Variants in MOCS2 observed in about 807,000 individuals in gnomAD.
MOCS2 encodes molybdenum cofactor synthesis 2, also known as molybdopterin synthase catalytic subunit.
Under a neutral mutation model 21.9 loss-of-function variants are expected in MOCS2, and 13 were observed. The observed-to-expected ratio is 0.59, with a 90% CI of 0.39 to 0.94. The LOEUF (loss-of-function observed/expected upper bound fraction) is 0.94. Among genes scored for constraint, MOCS2 ranks in the 40% least tolerant of loss-of-function variants. The pLI is 0.00. For missense variants in MOCS2, 227 were observed against 218.3 expected (o/e 1.04, Z -0.25); for synonymous variants, 92 against 80.8 (o/e 1.14, Z -0.74).
intron 2 of MOCS2, chr5:53,107,553 T>G: frequency 1.8e-5 from 5 of 283,346 alleles, no homozygotes; most frequent in South Asian, 4.4e-5. Context: ...TACATGGCCT[T>G]TCCAGGGTCC....
At chr5:53,108,727 T>C (rs1274075821) in intron 1 of MOCS2, 84 bp from the exon 2 acceptor site, 4 of 1,396,040 alleles carry the variant, frequency 2.9e-6, no homozygotes, top group African/African-American at 1.5e-5. Flanking sequence ...ATTTTCCAAA[T>C]GTATTGCTTT....
rs1741145842 is a variant in MOCS2 at position 53,109,510 on chromosome 5, TG to T, written c.-430del. On this transcript the variant is annotated 5_prime_UTR_variant, in exon 1 of 7. Coordinates refer to ENST00000396954, the MANE Select transcript of MOCS2 (RefSeq NM_004531.5). ...TTCTCGGAGAGGACCCGACTTCTGC[TG>T]GGGCAGTCGCAGTAAAGCCCGGAGA... The T allele has an allele frequency of 7.4e-7, 1 of 1,346,342 alleles. No individual in the cohort carries two copies. The highest frequency in any genetic ancestry group is 9.5e-7 in the Non-Finnish European group (1 of 1,056,746). 83.4% of individuals were successfully genotyped at this position (1,346,342 alleles called of 1,614,324 possible).
At position 53,102,091 on chromosome 5, in the gene MOCS2, A is replaced by G; in HGVS notation, c.226+6T>C. ...AGTGATAGATGCAATGAAAATTACA[A>G]CTCACCTACAAATAGGGATATTGCA... On this transcript the variant is annotated splice_donor_region_variant and intron_variant, in intron 4 of 6. Coordinates refer to ENST00000396954, the MANE Select transcript of MOCS2 (RefSeq NM_004531.5). 6.2e-7 allele frequency: 1 copy of G among 1,613,250 alleles called. No individual in the cohort carries two copies. The highest frequency in any genetic ancestry group is 8.5e-7 in the Non-Finnish European group (1 of 1,179,420).
rs755547111 is a variant in MOCS2, at chr5:53,107,167, C to T, written c.8G>A (p.Ser3Asn). 3 of 1,613,990 alleles carry T rather than the reference C, an allele frequency of 1.9e-6. No individual in the cohort carries two copies. Among genetic ancestry groups the T allele is most frequent in the African/African-American group, 2.7e-5 (2 of 74,904 alleles). ...GAAGCACGAGGAGCTGATCTCCAAG[C>T]TCGACATATTCTTGACGAACAGCAA... Reference protein sequence around the residue: MSSLEISSSCFSL... With the variant: MSNLEISSSCFSL... The change falls in exon 3 of 7, where the codon AGC (serine) becomes AAC (asparagine). Residue 3 changes from serine to asparagine, a missense_variant. Transcript: ENST00000396954.
intron 6 of MOCS2, among the ~76,000 whole-genome samples, chr5:53,099,213 C>T (rs1338328819): frequency 6.6e-6 from 1 of 152,204 alleles, no homozygotes; most frequent in Admixed American, 6.5e-5. Context: ...AACTCCTGCA[C>T]TTCCTCGGAC....
chr5:53,109,436 G>C lies in MOCS2; in HGVS notation c.-355C>G. The C allele has an allele frequency of 7.9e-7, 1 of 1,263,106 alleles. No homozygotes were observed. The highest frequency in any genetic ancestry group is 1.0e-6 in the Non-Finnish European group (1 of 1,004,754). 78.2% of individuals were successfully genotyped at this position (1,263,106 alleles called of 1,614,324 possible). A position where few individuals can be genotyped will look rare whatever the true frequency, so the allele number is the denominator to read the frequency against. ...GGGAAAGAGGTGGTCATAAAAGGTG[G>C]AGGCGCCTTCAGAACGAGTCCGTCC... On this transcript the variant is annotated 5_prime_UTR_variant, in exon 1 of 7. Transcript: ENST00000396954.
In MOCS2 at chr5:53,102,234, A is replaced by C; in HGVS notation, c.99-10T>G. ...TTCATCCATATCTTTCCTAGAAATA[A>C]TACATTAACAAACCTTAACAGAAGT... On this transcript the variant is annotated splice_polypyrimidine_tract_variant and intron_variant, in intron 3 of 6. Transcript: ENST00000396954. 1 of 1,609,664 alleles carries C rather than the reference A, an allele frequency of 6.2e-7. No homozygotes were observed. Among genetic ancestry groups the C allele is most frequent in the Middle Eastern group, 1.7e-4 (1 of 6,048 alleles).
chr5:53,107,080 G>C lies in MOCS2; in HGVS notation c.95C>G (p.Ser32Cys), dbSNP rs757513860. 1 of 1,614,070 alleles carries C rather than the reference G, an allele frequency of 6.2e-7. No individual in the cohort carries two copies. The highest frequency in any genetic ancestry group is 8.5e-7 in the Non-Finnish European group (1 of 1,179,984). ...PLVEDSAFEP[S>C]RKDMDEVEEK... ...AAGAAAAACAAATCTCACATACCTA[G>C]ATGGCTCAAAAGCACTATCCTCCAC... Residue 32 changes from serine (S) to cysteine (C), a missense_variant, in exon 3 of 7, where the codon TCT becomes TGT. Coordinates refer to ENST00000396954, the MANE Select transcript of MOCS2 (RefSeq NM_004531.5).
Position 53,109,739 on chromosome 5 carries a change from G to A in MOCS2, c.-658C>T, listed in dbSNP as rs1203785935. ...GGCACAGCGGCACCATCCCGCCTAG[G>A]ACAGCGGGACCGAATCACGGCCGCA... is the stretch of plus-strand genomic sequence containing the variant. On this transcript the variant is annotated 5_prime_UTR_variant, in exon 1 of 7. Transcript: ENST00000396954. 6.5e-7 allele frequency: 1 copy of A among 1,549,718 alleles called. No individual in the cohort carries two copies. The highest frequency in any genetic ancestry group is 2.4e-5 in the East Asian group (1 of 40,900).
Position 53,098,294 on chromosome 5 carries a change from T to A in MOCS2, c.*308A>T, listed in dbSNP as rs1381874805. The A allele has an allele frequency of 2.7e-6, 1 of 373,124 alleles. No homozygotes were observed. The highest frequency in any genetic ancestry group is 2.1e-5 in the African/African-American group (1 of 48,504). 23.1% of individuals were successfully genotyped at this position (373,124 alleles called of 1,614,324 possible). ...AGTTAAAGTCACTGAGGAGGGCCCA[T>A]ACCTCAATGTGTGTTGAGTTACAAT... On this transcript the variant is annotated 3_prime_UTR_variant, in exon 7 of 7. Transcript: ENST00000396954.
chr5:53,109,750 C>G lies in MOCS2; in HGVS notation c.-669G>C. 2 of 1,547,812 alleles carry G rather than the reference C, an allele frequency of 1.3e-6. No homozygotes were observed. The highest frequency in any genetic ancestry group is 1.2e-5 in the South Asian group (1 of 83,982). On this transcript the variant is annotated 5_prime_UTR_variant, in exon 1 of 7. Coordinates refer to ENST00000396954, the MANE Select transcript of MOCS2 (RefSeq NM_004531.5). ...ACCATCCCGCCTAGGACAGCGGGAC[C>G]GAATCACGGCCGCAAAGGCGCAGGC... is the stretch of plus-strand genomic sequence containing the variant.
At chr5:53,102,371 C>T (rs1740937955) in intron 3 of MOCS2, 147 bp from the exon 4 acceptor site, 8 of 798,262 alleles carry the variant, frequency 1.0e-5, no homozygotes, top group South Asian at 1.7e-5. Flanking sequence ...TTACATGAGT[C>T]AAATCAAGGA....
chr5:53,102,108 G>T lies in MOCS2; in HGVS notation c.215C>A (p.Ser72Tyr). ...AAATTACAACTCACCTACAAATAGGGATATTGCACCACAGAGCGGAGAAAT... is the reference window on the plus strand; with the variant it reads ...AAATTACAACTCACCTACAAATAGGTATATTGCACCACAGAGCGGAGAAAT... ...LVISPLCGAI[S>Y]LFVGTTRNNF... The change falls in exon 4 of 7, where the codon TCC becomes TAC. Residue 72 changes from serine (S) to tyrosine (Y), a missense_variant. Ser to Tyr is a moderately radical substitution (Grantham distance 144, BLOSUM62 -2). Coordinates refer to ENST00000396954, the MANE Select transcript of MOCS2 (RefSeq NM_004531.5). The T allele has an allele frequency of 6.2e-7, 1 of 1,613,630 alleles. No homozygotes were observed. Among genetic ancestry groups the T allele is most frequent in the Non-Finnish European group, 8.5e-7 (1 of 1,179,738 alleles).
Position 53,107,201 on chromosome 5 carries a change from T to C in MOCS2, c.-27A>G, listed in dbSNP as rs774169356. The C allele has an allele frequency of 1.2e-6, 2 of 1,613,896 alleles. No individual in the cohort carries two copies. Among genetic ancestry groups the C allele is most frequent in the Admixed American group, 1.7e-5 (1 of 59,990 alleles). ...TTCTTGACGAACAGCAAATATTATC[T>C]GATTTCTAACATCAGCCAATCTAAA... On this transcript the variant is annotated 5_prime_UTR_variant, in exon 3 of 7. Coordinates refer to ENST00000396954, the MANE Select transcript of MOCS2 (RefSeq NM_004531.5).
chr5:53,098,183 G>C lies in MOCS2; in HGVS notation c.*419C>G. ...ACTTTCCAGTTCTGCCAACATTCCTGTCATGCATCCTTAATAACAATGCTC... is the reference window on the plus strand; with the variant it reads ...ACTTTCCAGTTCTGCCAACATTCCTCTCATGCATCCTTAATAACAATGCTC... On this transcript the variant is annotated 3_prime_UTR_variant, in exon 7 of 7. Transcript: ENST00000396954. The C allele has an allele frequency of 5.6e-6, 1 of 177,554 alleles. No individual in the cohort carries two copies. Among genetic ancestry groups the C allele is most frequent in the South Asian group, 1.4e-4 (1 of 7,282 alleles). The allele number at this position is 177,554 out of a possible 1,614,324, so 11.0% of individuals were successfully genotyped here. A position where few individuals can be genotyped will look rare whatever the true frequency, so the allele number is the denominator to read the frequency against.
Position 53,098,607 on chromosome 5 carries a change from T to C in MOCS2, c.562A>G (p.Ser188Gly). Residue 188 changes from serine to glycine, a missense_variant, in exon 7 of 7, where the codon AGT (serine) becomes GGT (glycine). Transcript: ENST00000396954. The stretch of plus-strand genomic sequence containing the variant: ...TGCTCTAAAAACATAAGTGATTAAC[T>C]GTTGGATGCCCAAAAGCACTCTTTG... ...GNKECFWASN[S>G] 1 of 1,613,288 alleles carries C rather than the reference T, an allele frequency of 6.2e-7. No homozygotes were observed. Among genetic ancestry groups the C allele is most frequent in the Non-Finnish European group, 8.5e-7 (1 of 1,179,304 alleles).
chr5:53,106,512 C>T (rs1165263780), intron 3 of MOCS2, among the ~76,000 whole-genome samples: 1 of 151,986 alleles, frequency 6.6e-6, no homozygotes, highest in Non-Finnish European at 1.5e-5. Context: ...TACACATGGA[C>T]ACAAAGAAGG....
rs1740842397 is a variant in MOCS2 at position 53,099,339 on chromosome 5, C to T, written c.502-672G>A. Among the ~76,000 whole-genome samples the T allele has an allele frequency of 2.0e-5, 3 of 152,210 alleles. No homozygotes were observed. The South Asian group carries it at 6.2e-4, about 32-fold the overall frequency. ...GTATTTCTGGGGTTGCTCCCATCTA[C>T]TTTCTGTCCACTGACTGTGCACCCT... On this transcript the variant is annotated intron_variant, in intron 6 of 6. Coordinates refer to ENST00000396954, the MANE Select transcript of MOCS2 (RefSeq NM_004531.5).
chr5:53,100,395 T>A lies in MOCS2; in HGVS notation c.501+16A>T. The A allele has an allele frequency of 1.2e-6, 2 of 1,613,648 alleles. No individual in the cohort carries two copies. The highest frequency in any genetic ancestry group is 1.7e-6 in the Non-Finnish European group (2 of 1,179,620). On this transcript the variant is annotated intron_variant, in intron 6 of 6. Coordinates refer to ENST00000396954, the MANE Select transcript of MOCS2 (RefSeq NM_004531.5). ...ATCAGGTCCACATGCTAAAATGTGT[T>A]ATTTTCTTAACTTACCTTTTTCCAT...
Sources: allele counts gnomAD v4.1 joint callset (sites outside exome capture counted in the v4.1 genomes callset), GRCh38; gene constraint gnomAD v4.1.1; transcripts MANE v1.5; gene names NCBI Gene and HGNC (gene_info 2026-07-23, HGNC 2026-07-21).